ARL2: variants seen among roughly 807,000 people sequenced by gnomAD.
The protein encoded by ARL2 is ARF like GTPase 2.
A neutral mutation model predicts 22.0 loss-of-function variants in ARL2; 11 were observed. The ratio of observed to expected loss-of-function variants is 0.50; its 90% CI spans 0.31 to 0.83. The LOEUF (loss-of-function observed/expected upper bound fraction) is 0.83, where lower values mean the gene tolerates loss of function less well. ARL2 is among the 40% of genes least tolerant of loss of function. The pLI is 0.04. For synonymous variants in ARL2, 111 were observed against 100.8 expected, an observed-to-expected ratio of 1.10 and a Z score of -0.61; for missense variants, 216 against 243.2, an observed-to-expected ratio of 0.89 and a Z score of 0.74.
chr11:65,017,033 G>A (rs1004213368), intron 1 of ARL2, among the ~76,000 whole-genome samples: 5 of 152,140 alleles, frequency 3.3e-5, no homozygotes, highest in African/African-American at 4.8e-5. Flanking sequence ...GGTAAGGACA[G>A]TTTTGGCCAC....
In ARL2 at chr11:65,018,818, G is replaced by A. The variant is rs556922598; in HGVS notation, c.339+85G>A. On this transcript the variant is annotated intron_variant, in intron 3 of 4. Transcript: ENST00000246747. The surrounding 1 kb of genome is among the most constrained non-coding windows in gnomAD (Gnocchi z 4.2). ...GCCCAGAGGGGCCCGTGGCCCCAGA[G>A]GGAAACCAGAGGCAGGATCCCTTCC... is the stretch of plus-strand genomic sequence containing the variant. 4.4e-6 allele frequency: 7 copies of A among 1,575,686 alleles called. No individual in the cohort carries two copies. In the Admixed American group the frequency reaches 1.1e-4, roughly 25 times the overall value.
intron 4 of ARL2, among the ~76,000 whole-genome samples, chr11:65,021,351 C>T (rs544374224): frequency 8.5e-5 from 13 of 152,362 alleles, no homozygotes; most frequent in African/African-American, 3.1e-4. Context: ...TGCTTAACCT[C>T]TCTGAACTTT....
chr11:65,017,691 C>A lies in ARL2; in HGVS notation c.66-673C>A, dbSNP rs115785850. 5.0e-3 allele frequency among the ~76,000 whole-genome samples: 758 copies of A among 152,264 alleles called. 4 individuals carry two copies. Among genetic ancestry groups the A allele is most frequent in the African/African-American group, 0.017 (689 of 41,552 alleles). ...GGGCCTAGGTCATTTGCCCCAGCTC[C>A]GATGAGCAGGGAAAGGTGGTCGAGT... On this transcript the variant is annotated intron_variant, in intron 1 of 4. Coordinates refer to ENST00000246747, the MANE Select transcript of ARL2 (RefSeq NM_001667.4).
Position 65,018,337 on chromosome 11 carries a change from A to C in ARL2, c.66-27A>C, listed in dbSNP as rs78241716. 0.048 allele frequency: 74,726 copies of C among 1,562,970 alleles called. 2,120 individuals are homozygous for C. The highest frequency in any genetic ancestry group is 0.081 in the Middle Eastern group (413 of 5,072). On this transcript the variant is annotated intron_variant, in intron 1 of 4. Coordinates refer to ENST00000246747, the MANE Select transcript of ARL2 (RefSeq NM_001667.4). This position sits in a 1 kb window ranked among gnomAD's most constrained non-coding sequence, Gnocchi z 4.2. Reference sequence around the variant, plus strand: ...TGTCACCACCTGGCAGAGAACAGGGACTTCTCCTTAACCTGCTGCGCCCCA... The same window carrying C: ...TGTCACCACCTGGCAGAGAACAGGGCCTTCTCCTTAACCTGCTGCGCCCCA...
chr11:65,015,337 G>A (rs1296184058), intron 1 of ARL2, among the ~76,000 whole-genome samples: 2 of 152,142 alleles, frequency 1.3e-5, no homozygotes, highest in African/African-American at 2.4e-5. Flanking sequence ...GGCTGTTCTC[G>A]AATTCCTGAC....
intron 1 of ARL2, among the ~76,000 whole-genome samples, chr11:65,014,694 CGT>C (rs1204046870): frequency 6.6e-6 from 1 of 152,222 alleles, no homozygotes; most frequent in Non-Finnish European, 1.5e-5. Flanking sequence ...GCGGGTGGCG[CGT>C]GTGGGCTCCG....
chr11:65,015,017 G>A (rs1441721358), intron 1 of ARL2, among the ~76,000 whole-genome samples: 3 of 152,226 alleles, frequency 2.0e-5, no homozygotes, highest in Non-Finnish European at 2.9e-5. Flanking sequence ...AAGGCTCACC[G>A]CAGCCTCCAG....
chr11:65,021,951 C>T lies in ARL2; in HGVS notation c.*96C>T, dbSNP rs1946333697. 2.0e-6 allele frequency: 3 copies of T among 1,479,054 alleles called. No individual in the cohort carries two copies. Among genetic ancestry groups the T allele is most frequent in the Admixed American group, 3.8e-5 (2 of 52,140 alleles). 91.6% of individuals were successfully genotyped at this position (1,479,054 alleles called of 1,614,324 possible). A position where few individuals can be genotyped will look rare whatever the true frequency, so the allele number is the denominator to read the frequency against. On this transcript the variant is annotated 3_prime_UTR_variant, in exon 5 of 5. Coordinates refer to ENST00000246747, the MANE Select transcript of ARL2 (RefSeq NM_001667.4). ...TGGGAGTCAGCCGGCCAAACTAACA[C>T]TCCCCCTCCTCCACCCCAGCCTGCT...
chr11:65,018,467 C>T lies in ARL2; in HGVS notation c.169C>T (p.His57Tyr). Residue 57 changes from histidine to tyrosine, a missense_variant, in exon 2 of 5, where the codon CAC becomes TAC. His to Tyr is a moderately conservative substitution (Grantham distance 83, BLOSUM62 2). Transcript: ENST00000246747. This position sits in a 1 kb window ranked among gnomAD's most constrained non-coding sequence, Gnocchi z 4.2. Reference sequence around the variant, plus strand: ...GGGCTTCAACATCAAGACCCTGGAGCACCGAGGGTGAGCAGGGGCCCCATG... The same window carrying T: ...GGGCTTCAACATCAAGACCCTGGAGTACCGAGGGTGAGCAGGGGCCCCATG... ...TLGFNIKTLE[H>Y]RGFKLNIWDV... is the part of the protein sequence containing the mutation. 1.2e-6 allele frequency: 2 copies of T among 1,607,394 alleles called. No homozygotes were observed. Among genetic ancestry groups the T allele is most frequent in the Admixed American group, 1.7e-5 (1 of 58,674 alleles).
Position 65,018,740 on chromosome 11 carries a change from A to G in ARL2, c.339+7A>G. 1 of 1,613,890 alleles carries G rather than the reference A, an allele frequency of 6.2e-7. No homozygotes were observed. Among genetic ancestry groups the G allele is most frequent in the South Asian group, 1.1e-5 (1 of 91,078 alleles). On this transcript the variant is annotated splice_region_variant and intron_variant, in intron 3 of 4. Coordinates refer to ENST00000246747, the MANE Select transcript of ARL2 (RefSeq NM_001667.4). The surrounding 1 kb of genome is among the most constrained non-coding windows in gnomAD (Gnocchi z 4.2). ...GAGCCTGCTGGTGGAGGAGGTGGGC[A>G]GCTCCTACCCTTTGTGTACATGTAT...
In ARL2 at chr11:65,018,955, C is replaced by G. The variant is rs1946293975; in HGVS notation, c.339+222C>G. ...GTTACTACGTCACTACCCTGAGCATCAGTTTCTATGCCTTGAAATGGTGAT... is the reference window on the plus strand; with the variant it reads ...GTTACTACGTCACTACCCTGAGCATGAGTTTCTATGCCTTGAAATGGTGAT... On this transcript the variant is annotated intron_variant, in intron 3 of 4. Transcript: ENST00000246747. This position sits in a 1 kb window ranked among gnomAD's most constrained non-coding sequence, Gnocchi z 4.2. The G allele has an allele frequency of 1.3e-6, 2 of 1,510,448 alleles. No individual in the cohort carries two copies. The highest frequency in any genetic ancestry group is 1.8e-6 in the Non-Finnish European group (2 of 1,130,776). 93.6% of individuals were successfully genotyped at this position (1,510,448 alleles called of 1,614,324 possible).
chr11:65,022,176 T>C lies in ARL2; in HGVS notation c.*321T>C, dbSNP rs1946337958. 1.5e-5 allele frequency: 5 copies of C among 326,928 alleles called. No homozygotes were observed. The highest frequency in any genetic ancestry group is 2.9e-5 in the Non-Finnish European group (5 of 170,354). The allele number at this position is 326,928 out of a possible 1,614,324, so 20.3% of individuals were successfully genotyped here. ...ACTCAGTTGTGAAATAAACCGCTCC[T>C]TGCCCCGATTCCTGGCTGAGTCATT... is the stretch of plus-strand genomic sequence containing the variant. On this transcript the variant is annotated 3_prime_UTR_variant, in exon 5 of 5. Transcript: ENST00000246747.
Position 65,020,496 on chromosome 11 carries a change from C to T in ARL2, c.417C>T (p.Arg139=), listed in dbSNP as rs762451444. The T allele has an allele frequency of 2.5e-5, 41 of 1,608,606 alleles. No homozygotes were observed. Among genetic ancestry groups the T allele is most frequent in the Non-Finnish European group, 3.1e-5 (37 of 1,177,204 alleles). ...GAGCACTGTCCTCTAACGCCATCCG[C>T]GAGGTGAGTCCAGGCCCCGGGACAG... ...LPGALSSNAI[R]EVLELDSIRS... The change falls in exon 4 of 5, where the codon CGC becomes CGT. Residue 139 remains arginine, a synonymous_variant. Coordinates refer to ENST00000246747, the MANE Select transcript of ARL2 (RefSeq NM_001667.4).
rs1316316320 is a variant in ARL2, at chr11:65,018,594, T to C, written c.200T>C (p.Val67Ala). ...HRGFKLNIWDVGGQKSLRSYW... is the reference protein window; with the variant it reads ...HRGFKLNIWDAGGQKSLRSYW... ...AGATTCAAGCTGAACATCTGGGATG[T>C]GGGTGGCCAGAAGTCCCTGCGGTCC... Residue 67 changes from valine to alanine, a missense_variant, in exon 3 of 5, where the codon GTG (valine) becomes GCG (alanine). Physicochemically the swap from Val to Ala is moderately conservative, Grantham distance 64. Transcript: ENST00000246747. The surrounding 1 kb of genome is among the most constrained non-coding windows in gnomAD (Gnocchi z 4.2). 6.2e-7 allele frequency: 1 copy of C among 1,611,830 alleles called. No individual in the cohort carries two copies. Among genetic ancestry groups the C allele is most frequent in the Non-Finnish European group, 8.5e-7 (1 of 1,178,984 alleles).
rs374498897 is a variant in ARL2, at chr11:65,021,665, C to T, written c.421-56C>T. 7.3e-5 allele frequency: 112 copies of T among 1,537,350 alleles called. 1 individual carries two copies. Among genetic ancestry groups the T allele is most frequent in the East Asian group, 5.1e-4 (22 of 43,518 alleles). Reference sequence around the variant, plus strand: ...CTGGGCTGGGGAGGGAAGGGGCTGACGGCAGGCAGGGTCTGCAGTCACTGG... The same window carrying T: ...CTGGGCTGGGGAGGGAAGGGGCTGATGGCAGGCAGGGTCTGCAGTCACTGG... On this transcript the variant is annotated intron_variant, in intron 4 of 4. Transcript: ENST00000246747.
intron 4 of ARL2, chr11:65,021,480 G>A: frequency 2.2e-6 from 1 of 446,146 alleles, no homozygotes; most frequent in Non-Finnish European, 4.0e-6. Flanking sequence ...TGGATGCTCA[G>A]GAGCCCATGC....
chr11:65,019,302 G>A (rs1382730360), intron 3 of ARL2: 1 of 178,406 alleles, frequency 5.6e-6, no homozygotes, highest in East Asian at 1.6e-4. Context: ...CAGCACTTTG[G>A]GAGGCTGAAG....
Position 65,021,973 on chromosome 11 carries a change from T to TGCTGCTGCTACTGCTGCCC in ARL2, c.*128_*146dup. 7.1e-7 allele frequency: 1 copy of TGCTGCTGCTACTGCTGCCC among 1,400,172 alleles called. No individual in the cohort carries two copies. The highest frequency in any genetic ancestry group is 9.6e-7 in the Non-Finnish European group (1 of 1,037,788). The allele number at this position is 1,400,172 out of a possible 1,614,324, so 86.7% of individuals were successfully genotyped here. A position where few individuals can be genotyped will look rare whatever the true frequency, so the allele number is the denominator to read the frequency against. ...ACACTCCCCCTCCTCCACCCCAGCC[T>TGCTGCTGCTACTGCTGCCC]GCTGCTGCTACTGCTGCCCGCTGCT... On this transcript the variant is annotated 3_prime_UTR_variant, in exon 5 of 5. Transcript: ENST00000246747.
chr11:65,014,537 C>G (rs1322607986), intron 1 of ARL2, among the ~76,000 whole-genome samples: 4 of 152,146 alleles, frequency 2.6e-5, no homozygotes, highest in African/African-American at 9.7e-5. Context: ...GGTGGTGGGT[C>G]CCGGAGATAA....
Sources: allele counts gnomAD v4.1 joint callset (sites outside exome capture counted in the v4.1 genomes callset), GRCh38; gene constraint gnomAD v4.1.1; non-coding constraint Gnocchi (gnomAD v3.1); transcripts MANE v1.5; gene names NCBI Gene and HGNC (gene_info 2026-07-23, HGNC 2026-07-21).